ATG16L2: variants seen among roughly 807,000 people sequenced by gnomAD.
ATG16L2 encodes the protein protein Atg16l2.
ATG16L2 carries 77 observed loss-of-function variants against 84.7 expected under a neutral mutation model. The observed-to-expected ratio is 0.91, with a 90% CI of 0.76 to 1.10. The LOEUF (loss-of-function observed/expected upper bound fraction) is 1.10, where lower values mean the gene tolerates loss of function less well. Ranked by LOEUF, ATG16L2 falls within the 50% of genes least tolerant of loss-of-function variation. The pLI is 0.00. For missense variants in ATG16L2, 782 were observed against 817.6 expected (o/e 0.96, Z 0.53); for synonymous variants, 361 against 342.8 (o/e 1.05, Z -0.59).
chr11:72,822,484 G>A lies in ATG16L2; in HGVS notation c.651G>A (p.Lys217=), dbSNP rs771688111. 1.9e-6 allele frequency: 3 copies of A among 1,612,894 alleles called. No homozygotes were observed. Among genetic ancestry groups the A allele is most frequent in the Middle Eastern group, 3.3e-4 (2 of 6,060 alleles). Residue 217 remains lysine, a synonymous_variant, in exon 6 of 18, where the codon AAG becomes AAA. Coordinates refer to ENST00000321297, the MANE Select transcript of ATG16L2 (RefSeq NM_033388.2). The surrounding 1 kb of genome is among the most constrained non-coding windows in gnomAD (Gnocchi z 4.2). ...ATGCTTTTTACCCAACAAGGGCCAA[G>A]CAGGCGCGGGTGTCCCAGGAGCTGA... ...NLRNERRERA[K]QARVSQELKK... is the part of the protein sequence containing the mutation.
chr11:72,814,642 C>T (rs1859599208), intron 1 of ATG16L2, 79 bp downstream of exon 1: 1 of 1,234,556 alleles, frequency 8.1e-7, no homozygotes, highest in African/African-American at 1.5e-5. Flanking sequence ...TGGCTGGCTC[C>T]TCCGCCTGTG....
intron 1 of ATG16L2, among the ~76,000 whole-genome samples, chr11:72,815,627 A>G (rs1008985070): frequency 1.4e-4 from 21 of 152,064 alleles, no homozygotes; most frequent in African/African-American, 4.8e-4. Flanking sequence ...GCTAAGCCTC[A>G]GTCTTCTTAC....
intron 2 of ATG16L2, 119 bp from the exon 3 acceptor site, chr11:72,817,637 A>G: frequency 4.2e-6 from 4 of 949,270 alleles, no homozygotes; most frequent in Non-Finnish European, 6.6e-6. Context: ...GCTGGCTTCC[A>G]TCTTCCCAGG....
rs952807517 is a variant in ATG16L2, at chr11:72,823,622, C to T, written c.825-438C>T. 6.0e-5 allele frequency: 26 copies of T among 432,388 alleles called. No individual in the cohort carries two copies. The Admixed American group carries it at 6.7e-4, about 11-fold the overall frequency. 26.8% of individuals were successfully genotyped at this position (432,388 alleles called of 1,614,324 possible). On this transcript the variant is annotated intron_variant, in intron 7 of 17. Coordinates refer to ENST00000321297, the MANE Select transcript of ATG16L2 (RefSeq NM_033388.2). ...GGGAGGGGCATGAGATGCCAGTCCC[C>T]AAAGTCCTTGGGAGCCCTTGTGGGC...
chr11:72,824,766 G>A lies in ATG16L2; in HGVS notation c.920G>A (p.Gly307Glu), dbSNP rs761084631. Residue 307 changes from glycine to glutamate, a missense_variant, in exon 9 of 18, where the codon GGA (glycine) becomes GAA (glutamate). By Grantham distance (98) the Gly-to-Glu change is moderately conservative. Coordinates refer to ENST00000321297, the MANE Select transcript of ATG16L2 (RefSeq NM_033388.2). ...AAGAGGAGAGGTCACTCAATTGGGG[G>A]AGCCCCTGAGCAGCGATACCAGATC... is the stretch of plus-strand genomic sequence containing the variant. ...FKKRRGHSIG[G>E]APEQRYQIIP... 4 of 1,613,532 alleles carry A rather than the reference G, an allele frequency of 2.5e-6. No homozygotes were observed. The Admixed American group carries it at 6.7e-5, about 27-fold the overall frequency.
downstream of ATG16L2, among the ~76,000 whole-genome samples, chr11:72,833,170 G>T (rs1860643097): frequency 6.6e-6 from 1 of 152,192 alleles, no homozygotes; most frequent in Non-Finnish European, 1.5e-5. Flanking sequence ...CAGTGACAAG[G>T]CTCCAGAGAC....
At chr11:72,823,792 T>G (rs1327917046) in intron 7 of ATG16L2, 1 of 576,974 alleles carries the variant, frequency 1.7e-6, no homozygotes, top group Non-Finnish European at 3.3e-6. Flanking sequence ...CCAGGAACTT[T>G]TGTTGGTGGG....
At chr11:72,827,569 A>G (rs1332662568) in intron 14 of ATG16L2, among the ~76,000 whole-genome samples, 1 of 152,190 alleles carries the variant, frequency 6.6e-6, no homozygotes, top group African/African-American at 2.4e-5. Flanking sequence ...TACCACTTTT[A>G]TATCAAAAGG....
At chr11:72,814,766 G>T (rs1364617599) in intron 1 of ATG16L2, among the ~76,000 whole-genome samples, 1 of 152,226 alleles carries the variant, frequency 6.6e-6, no homozygotes, top group African/African-American at 2.4e-5. Context: ...AGCCCCTCCT[G>T]GTCCCCCTGC....
At chr11:72,816,878 T>G in intron 2 of ATG16L2, 51 bp downstream of exon 2, 1 of 1,262,608 alleles carries the variant, frequency 7.9e-7, no homozygotes, top group Non-Finnish European at 1.1e-6. Flanking sequence ...GCTGGGGCCC[T>G]GCCCCTGCTG....
In ATG16L2 at chr11:72,822,657, T is replaced by G; in HGVS notation, c.710+114T>G. The stretch of plus-strand genomic sequence containing the variant: ...GCACAGCCCCGTCCTGAGGCCCCCA[T>G]GTGGTCGGAGCCCACGAGACACCTG... On this transcript the variant is annotated intron_variant, in intron 6 of 17. Coordinates refer to ENST00000321297, the MANE Select transcript of ATG16L2 (RefSeq NM_033388.2). This position sits in a 1 kb window ranked among gnomAD's most constrained non-coding sequence, Gnocchi z 4.2. The G allele has an allele frequency of 7.1e-7, 1 of 1,411,772 alleles. No homozygotes were observed. The highest frequency in any genetic ancestry group is 9.6e-7 in the Non-Finnish European group (1 of 1,037,164). The allele number at this position is 1,411,772 out of a possible 1,614,324, so 87.5% of individuals were successfully genotyped here. A position where few individuals can be genotyped will look rare whatever the true frequency, so the allele number is the denominator to read the frequency against.
At chr11:72,835,411 TGGTGGTGAG>T in intron 5 of ATG16L2, among the ~76,000 whole-genome samples, 1 of 120,636 alleles carries the variant, frequency 8.3e-6, no homozygotes, top group Non-Finnish European at 1.9e-5. Flanking sequence ...GCAGGAGAGG[TGGTGGTGAG>T]GAGAGGTGGT....
chr11:72,826,650 C>G (rs1405227511), intron 12 of ATG16L2, 53 bp from the exon 13 acceptor site: 2 of 1,614,018 alleles, frequency 1.2e-6, no homozygotes, highest in Non-Finnish European at 1.7e-6. Flanking sequence ...ACTAGGGGGC[C>G]TGTTATGGGG....
At chr11:72,824,279 C>A in intron 8 of ATG16L2, 157 bp downstream of exon 8, 1 of 843,818 alleles carries the variant, frequency 1.2e-6, no homozygotes, top group Non-Finnish European at 1.9e-6. Flanking sequence ...AGGTGAATGG[C>A]CTCAGCCCCG....
intron 3 of ATG16L2, 181 bp from the exon 4 acceptor site, chr11:72,821,487 C>T: frequency 1.4e-6 from 2 of 1,412,358 alleles, no homozygotes; most frequent in Non-Finnish European, 1.8e-6. Context: ...CGAGGGCCTT[C>T]CACTGCTCCA....
intron 3 of ATG16L2, 149 bp from the exon 4 acceptor site, chr11:72,821,519 G>GC: frequency 4.2e-6 from 6 of 1,442,384 alleles, no homozygotes; most frequent in Non-Finnish European, 5.4e-6. Flanking sequence ...GCGTCCCTGT[G>GC]CAAGGTCCCA....
chr11:72,829,076 C>A, intron 17 of ATG16L2, 92 bp downstream of exon 17: 1 of 1,335,496 alleles, frequency 7.5e-7, no homozygotes, highest in Non-Finnish European at 1.1e-6. Context: ...GAGTCCCCAG[C>A]CCTTGTCCCT....
intron 3 of ATG16L2, chr11:72,818,269 C>G (rs1018424972): frequency 6.6e-5 from 11 of 167,750 alleles, no homozygotes; most frequent in Non-Finnish European, 6.6e-5. Context: ...CTGACACTAC[C>G]GCCTTCCCTG....
At chr11:72,814,864 C>T (rs1329207587) in intron 1 of ATG16L2, among the ~76,000 whole-genome samples, 3 of 152,234 alleles carry the variant, frequency 2.0e-5, no homozygotes, top group Non-Finnish European at 4.4e-5. Context: ...TTTGCAGGGT[C>T]TCTTTTGCCT....
Sources: allele counts gnomAD v4.1 joint callset (sites outside exome capture counted in the v4.1 genomes callset), GRCh38; gene constraint gnomAD v4.1.1; non-coding constraint Gnocchi (gnomAD v3.1); transcripts MANE v1.5; gene names NCBI Gene and HGNC (gene_info 2026-07-23, HGNC 2026-07-21).